The following RBM23 variants were observed in gnomAD, a reference collection of about 807,000 sequenced individuals.
RBM23 encodes the protein RNA binding motif protein 23.
Under a neutral mutation model 56.2 loss-of-function variants are expected in RBM23, and 53 were observed. The observed-to-expected ratio is 0.94, with a 90% CI of 0.76 to 1.19. The LOEUF is 1.19. RBM23 is among the 50% of genes most tolerant of loss of function. RBM23 has a pLI of 0.00. For missense variants in RBM23, 642 were observed against 590.3 expected (o/e 1.09, Z -0.91); for synonymous variants, 197 against 198.5 (o/e 0.99, Z 0.06).
intron 2 of RBM23, among the ~76,000 whole-genome samples, chr14:22,909,824 A>C (rs2042157598): frequency 6.6e-6 from 1 of 152,124 alleles, no homozygotes; most frequent in African/African-American, 2.4e-5. Flanking sequence ...CAGTTACCCA[A>C]CATCTGCTCC....
intron 1 of RBM23, among the ~76,000 whole-genome samples, chr14:22,918,590 G>A (rs2044004249): frequency 6.6e-6 from 1 of 152,166 alleles, no homozygotes; most frequent in African/African-American, 2.4e-5. Context: ...GATTGAGGAA[G>A]AAAGCTCAAT....
chr14:22,916,525 C>T (rs1261118334), intron 1 of RBM23, among the ~76,000 whole-genome samples: 2 of 151,864 alleles, frequency 1.3e-5, no homozygotes, highest in African/African-American at 4.8e-5. Flanking sequence ...ATCCACCCAC[C>T]TTAGCCTCCC....
At chr14:22,908,652 C>G (rs1030895768) in intron 3 of RBM23, 1 of 335,890 alleles carries the variant, frequency 3.0e-6, no homozygotes, top group Non-Finnish European at 5.5e-6. Flanking sequence ...CCTCAGCCTC[C>G]CAAAGTGCTG....
intron 10 of RBM23, chr14:22,903,054 T>C (rs1252264514): frequency 2.0e-6 from 2 of 984,440 alleles, no homozygotes; most frequent in Non-Finnish European, 2.4e-6. Flanking sequence ...ACTGCTGGGA[T>C]TACAGGTGTG....
rs766268492 is a variant in RBM23 at position 22,902,322 on chromosome 14, C to G, written c.991G>C (p.Gly331Arg). 3.7e-6 allele frequency: 6 copies of G among 1,614,176 alleles called. No individual in the cohort carries two copies. The South Asian group carries it at 6.6e-5, about 18-fold the overall frequency. ...LEQLNGFELA[G>R]RPMRVGHVTE... ...ACATGGCCAACCCTCATAGGTCGAC[C>G]AGCAAGCTCAAACCCATTCAACTGT... Residue 331 changes from glycine to arginine, a missense_variant, in exon 11 of 14, where the codon GGT becomes CGT. Transcript: ENST00000359890.
intron 10 of RBM23, chr14:22,903,778 T>C (rs1219684772): frequency 1.0e-6 from 1 of 1,000,360 alleles, no homozygotes; most frequent in African/African-American, 1.7e-5. Flanking sequence ...TTGCCCATAA[T>C]TAGGTGGCCT....
intron 1 of RBM23, 106 bp from the exon 2 acceptor site, chr14:22,911,509 G>T: frequency 2.2e-6 from 2 of 896,510 alleles, no homozygotes; most frequent in Admixed American, 2.4e-5. Flanking sequence ...AGGATATACA[G>T]ATTTCAGTTC....
At position 22,909,554 on chromosome 14, in the gene RBM23, G is replaced by A. The variant is rs1337559920; in HGVS notation, c.108C>T (p.Ser36=). ...QRKEVKKDYP[S]NTTSSTSNSG... is the part of the protein sequence containing the mutation. Reference sequence around the variant, plus strand: ...TGTTGCTGGTGCTGCTGGTGGTATTGCTAGGATAATCCTTTTTAACTTCTT... The same window carrying A: ...TGTTGCTGGTGCTGCTGGTGGTATTACTAGGATAATCCTTTTTAACTTCTT... Residue 36 remains serine (S), a synonymous_variant, in exon 3 of 14, where the codon AGC becomes AGT. Transcript: ENST00000359890. The A allele has an allele frequency of 1.2e-6, 2 of 1,613,550 alleles. No individual in the cohort carries two copies. The highest frequency in any genetic ancestry group is 1.7e-6 in the Non-Finnish European group (2 of 1,179,982).
At chr14:22,918,753 A>G (rs2044041960) in intron 1 of RBM23, among the ~76,000 whole-genome samples, 2 of 152,204 alleles carry the variant, frequency 1.3e-5, no homozygotes, top group South Asian at 4.1e-4. Context: ...AGGATTCTAG[A>G]AACCGCATCT....
chr14:22,910,502 G>A (rs191599569), intron 2 of RBM23, among the ~76,000 whole-genome samples: 1 of 149,138 alleles, frequency 6.7e-6, no homozygotes, highest in Non-Finnish European at 1.5e-5. Flanking sequence ...GCGGTGGGGG[G>A]GAAAGGAAGG....
rs2042136453 is a variant in RBM23, at chr14:22,909,669, A to C, written c.67-74T>G. ...ACAGATTCCAATGGGCAAAGGGAACAAAGGTGGACAAGGAATAAATCAAAC... is the reference window on the plus strand; with the variant it reads ...ACAGATTCCAATGGGCAAAGGGAACCAAGGTGGACAAGGAATAAATCAAAC... On this transcript the variant is annotated intron_variant, in intron 2 of 13. Transcript: ENST00000359890. 21 of 1,101,084 alleles carry C rather than the reference A, an allele frequency of 1.9e-5. No homozygotes were observed. The South Asian group carries it at 2.6e-4, about 14-fold the overall frequency. 68.2% of individuals were successfully genotyped at this position (1,101,084 alleles called of 1,614,324 possible).
At position 22,905,258 on chromosome 14, in the gene RBM23, G is replaced by A. The variant is rs565320655; in HGVS notation, c.574-12C>T. The A allele has an allele frequency of 2.0e-5, 32 of 1,613,856 alleles. No individual in the cohort carries two copies. Among genetic ancestry groups the A allele is most frequent in the African/African-American group, 9.3e-5 (7 of 75,046 alleles). ...CGTACATCGCGAACCTATCCAGGAC[G>A]CAAAAGAAATCCTGAGTTAGGCATA... On this transcript the variant is annotated splice_polypyrimidine_tract_variant and intron_variant, in intron 7 of 13. Coordinates refer to ENST00000359890, the MANE Select transcript of RBM23 (RefSeq NM_001077351.2).
intron 10 of RBM23, chr14:22,903,201 T>C: frequency 2.0e-6 from 2 of 985,512 alleles, no homozygotes; most frequent in South Asian, 4.7e-5. Context: ...AGCTGTTGAC[T>C]AAGTGACCTG....
At chr14:22,918,334 A>G (rs1467933442) in intron 1 of RBM23, among the ~76,000 whole-genome samples, 1 of 152,002 alleles carries the variant, frequency 6.6e-6, no homozygotes, top group Non-Finnish European at 1.5e-5. Context: ...GACAGGATGC[A>G]GTGAGCCGAG....
Position 22,906,133 on chromosome 14 carries a change from G to T in RBM23, c.401+62C>A, listed in dbSNP as rs776580433. ...TAAGCACCCTCAAGCAGGGTTCATAGTGCATTTGTTGTTTTATCCAGATTA... is the reference window on the plus strand; with the variant it reads ...TAAGCACCCTCAAGCAGGGTTCATATTGCATTTGTTGTTTTATCCAGATTA... On this transcript the variant is annotated intron_variant, in intron 5 of 13. Transcript: ENST00000359890. 3 of 1,569,662 alleles carry T rather than the reference G, an allele frequency of 1.9e-6. No homozygotes were observed. In the African/African-American group the frequency reaches 4.0e-5, roughly 21 times the overall value.
In RBM23 at chr14:22,905,640, T is replaced by TA; in HGVS notation, c.420dup (p.Lys141Ter). 6.2e-7 allele frequency: 1 copy of TA among 1,609,012 alleles called. No individual in the cohort carries two copies. The highest frequency in any genetic ancestry group is 8.5e-7 in the Non-Finnish European group (1 of 1,175,210). ...CTCTTCTCTCTGAAATGAGGACTCTTACTGTGTCCATACCTATAACTAAAG... is the reference window on the plus strand; with the variant it reads ...CTCTTCTCTCTGAAATGAGGACTCTTAACTGTGTCCATACCTATAACTAAAG... On this transcript the variant is annotated frameshift_variant, in exon 6 of 14. Coordinates refer to ENST00000359890, the MANE Select transcript of RBM23 (RefSeq NM_001077351.2). LOFTEE classifies it high-confidence loss of function.
chr14:22,905,049 T>C, intron 8 of RBM23, 37 bp from the exon 9 acceptor site: 3 of 1,614,072 alleles, frequency 1.9e-6, no homozygotes, highest in East Asian at 2.2e-5. Context: ...TGTCCCACAT[T>C]CCCTCTCCCC....
At position 22,905,134 on chromosome 14, in the gene RBM23, T is replaced by G; in HGVS notation, c.686A>C (p.Gln229Pro). Residue 229 changes from glutamine to proline, a missense_variant, in exon 8 of 14, where the codon CAG becomes CCG. By Grantham distance (76) the Gln-to-Pro change is moderately conservative (BLOSUM62 -1). Coordinates refer to ENST00000359890, the MANE Select transcript of RBM23 (RefSeq NM_001077351.2). ...AATGATAGGCACTCCCAGCAACCGC[T>G]GCCCAGTCAGCCCAATGGCCAGTGG... The part of the protein sequence containing the change: ...SVPLAIGLTG[Q>P]RLLGVPIIVQ... The G allele has an allele frequency of 6.2e-7, 1 of 1,614,136 alleles. No individual in the cohort carries two copies. The highest frequency in any genetic ancestry group is 8.5e-7 in the Non-Finnish European group (1 of 1,179,980).
In RBM23 at chr14:22,895,173, A is replaced by G. The variant is rs1476769567; in HGVS notation, c.*6557T>C. 6.6e-6 allele frequency: 1 copy of G among 152,082 alleles called. No individual in the cohort carries two copies. The highest frequency in any genetic ancestry group is 1.5e-5 in the Non-Finnish European group (1 of 68,016). 9.4% of individuals were successfully genotyped at this position (152,082 alleles called of 1,614,324 possible). On this transcript the variant is annotated 3_prime_UTR_variant, in exon 14 of 14. Transcript: ENST00000359890. ...TCAGGAGTTCGAGACCAGCCTGACCAACATGGAGAAACCCTGTCTCCACTA... is the reference window on the plus strand; with the variant it reads ...TCAGGAGTTCGAGACCAGCCTGACCGACATGGAGAAACCCTGTCTCCACTA...
Sources: allele counts gnomAD v4.1 joint callset (sites outside exome capture counted in the v4.1 genomes callset), GRCh38; gene constraint gnomAD v4.1.1; transcripts MANE v1.5; gene names NCBI Gene and HGNC (gene_info 2026-07-23, HGNC 2026-07-21).